SPTAN1: variants seen among roughly 807,000 people sequenced by gnomAD.
SPTAN1 encodes spectrin alpha, non-erythrocytic 1, also known as spectrin alpha chain, non-erythrocytic 1.
In SPTAN1, 61 loss-of-function variants were observed where a neutral mutation model predicts 331.3. The observed-to-expected ratio is 0.18, with a 90% CI of 0.15 to 0.23. The LOEUF (loss-of-function observed/expected upper bound fraction) is 0.23. Ranked by LOEUF, SPTAN1 falls within the 10% of genes least tolerant of loss-of-function variation. The pLI, the probability that SPTAN1 is intolerant of heterozygous loss-of-function variation, is 1.00. For synonymous variants in SPTAN1, 1,153 were observed against 1,173.9 expected (o/e 0.98, Z 0.36); for missense variants, 2,043 against 3,147.9 (o/e 0.65, Z 8.40).
chr9:128,578,297 A>G (rs745828218), intron 9 of SPTAN1, 52 bp downstream of exon 9: 9 of 1,608,522 alleles, frequency 5.6e-6, no homozygotes, highest in South Asian at 4.4e-5. Context: ...CTTATAATGC[A>G]CCAGTTTATC....
intron 39 of SPTAN1, 152 bp downstream of exon 39, chr9:128,612,398 G>C (rs1856669247): frequency 9.8e-7 from 1 of 1,015,240 alleles, no homozygotes; most frequent in Admixed American, 2.1e-5. Flanking sequence ...CATGCTGTAA[G>C]GGATTTATGA....
In SPTAN1 at chr9:128,582,498, C is replaced by A; in HGVS notation, c.1592C>A (p.Thr531Asn). ...EKITALDEFA[T>N]KLIQNNHYAM... ...TCCTAGGCATTAGATGAATTTGCAA[C>A]CAAGCTAATTCAGAACAACCACTAT... Residue 531 changes from threonine (T) to asparagine (N), a missense_variant, in exon 13 of 57, where the codon ACC (threonine) becomes AAC (asparagine). Coordinates refer to ENST00000372739, the MANE Select transcript of SPTAN1 (RefSeq NM_001130438.3). 6.2e-7 allele frequency: 1 copy of A among 1,614,154 alleles called. No individual in the cohort carries two copies. The highest frequency in any genetic ancestry group is 8.5e-7 in the Non-Finnish European group (1 of 1,180,024).
chr9:128,563,751 T>A (rs1849680980), intron 1 of SPTAN1, among the ~76,000 whole-genome samples: 1 of 150,986 alleles, frequency 6.6e-6, no homozygotes, highest in Admixed American at 6.6e-5. Flanking sequence ...GGTCTCATTG[T>A]GTCACCCAGG....
chr9:128,597,671 CAG>C (rs1183812040), intron 24 of SPTAN1, among the ~76,000 whole-genome samples: 2 of 151,654 alleles, frequency 1.3e-5, no homozygotes, highest in East Asian at 1.9e-4. Context: ...TGTTTTGAGA[CAG>C]AGTCTTGCTC....
rs971283782 is a variant in SPTAN1 at position 128,587,842 on chromosome 9, T to G, written c.2871+144T>G. ...GATTTACAGAGTTTAAAATAAGATT[T>G]ATTTATTTATTTATTTATTTAGAGA... On this transcript the variant is annotated intron_variant, in intron 20 of 56. Transcript: ENST00000372739. The G allele has an allele frequency of 1.9e-4, 120 of 620,024 alleles. 1 individual carries two copies. The highest frequency in any genetic ancestry group is 1.7e-3 in the Admixed American group (64 of 38,274). 38.4% of individuals were successfully genotyped at this position (620,024 alleles called of 1,614,324 possible).
intron 1 of SPTAN1, among the ~76,000 whole-genome samples, chr9:128,559,230 C>T (rs1171508748): frequency 1.3e-5 from 2 of 152,158 alleles, no homozygotes; most frequent in Admixed American, 6.5e-5. Context: ...CGTTCTACTT[C>T]ACTGGGGTGA....
rs1564276847 is a variant in SPTAN1 at position 128,606,497 on chromosome 9, T to TGC, written c.4046+1021_4046+1022insCG. Among the ~76,000 whole-genome samples the TGC allele has an allele frequency of 2.4e-4, 32 of 134,152 alleles. 1 individual carries two copies. Among genetic ancestry groups the TGC allele is most frequent in the Non-Finnish European group, 2.4e-4 (15 of 63,664 alleles). The allele number at this position is 134,152 out of a possible 152,430, so 88.0% of individuals were successfully genotyped here. A position where few individuals can be genotyped will look rare whatever the true frequency, so the allele number is the denominator to read the frequency against. The stretch of plus-strand genomic sequence containing the variant: ...CATATATATATATATATTTTTTTTT[T>TGC]GGGGGGGGAAGCGTTTCGCTTTTGT... On this transcript the variant is annotated intron_variant, in intron 31 of 56. Transcript: ENST00000372739.
At chr9:128,613,882 G>A (rs1856829915) in intron 40 of SPTAN1, among the ~76,000 whole-genome samples, 1 of 152,008 alleles carries the variant, frequency 6.6e-6, no homozygotes, top group Non-Finnish European at 1.5e-5. Flanking sequence ...GTGGCTGCCT[G>A]TAATCCCAGG....
chr9:128,591,336 G>A (rs1464769240), intron 21 of SPTAN1, 141 bp from the exon 22 acceptor site: 1 of 1,035,792 alleles, frequency 9.7e-7, no homozygotes, highest in East Asian at 2.5e-5. Context: ...AAAGTGCTGG[G>A]ATTATAGGTG....
intron 48 of SPTAN1, 74 bp from the exon 49 acceptor site, chr9:128,626,317 G>A (rs907691585): frequency 1.1e-5 from 17 of 1,572,652 alleles, no homozygotes; most frequent in African/African-American, 5.4e-5. Context: ...GAACCACCCC[G>A]CACCCCACCT....
rs1459798959 is a variant in SPTAN1, at chr9:128,625,004, T to C, written c.5993-99T>C. 2 of 1,142,950 alleles carry C rather than the reference T, an allele frequency of 1.7e-6. No homozygotes were observed. Among genetic ancestry groups the C allele is most frequent in the Admixed American group, 1.7e-5 (1 of 57,280 alleles). The allele number at this position is 1,142,950 out of a possible 1,614,324, so 70.8% of individuals were successfully genotyped here. A position where few individuals can be genotyped will look rare whatever the true frequency, so the allele number is the denominator to read the frequency against. ...CTGTAGTTAGGAAGATTGGGATTTA[T>C]CTGTACACAAAAAATGGTTTGTCTG... is the stretch of plus-strand genomic sequence containing the variant. On this transcript the variant is annotated intron_variant, in intron 46 of 56. Transcript: ENST00000372739. The surrounding 1 kb of genome is among the most constrained non-coding windows in gnomAD (Gnocchi z 4.1).
chr9:128,597,839 C>T (rs958095736), intron 24 of SPTAN1, among the ~76,000 whole-genome samples: 8 of 151,392 alleles, frequency 5.3e-5, no homozygotes, highest in African/African-American at 1.7e-4. Context: ...TTAGTAGAGA[C>T]GGGGTTTCAC....
chr9:128,594,380 G>A lies in SPTAN1; in HGVS notation c.3414+7G>A. The A allele has an allele frequency of 1.2e-6, 2 of 1,612,120 alleles. No individual in the cohort carries two copies. The highest frequency in any genetic ancestry group is 1.7e-6 in the Non-Finnish European group (2 of 1,178,804). On this transcript the variant is annotated splice_region_variant and intron_variant, in intron 24 of 56. Transcript: ENST00000372739. ...GTTTGATGACTTCCAGAAGGTATGG[G>A]CAGTCTTCAGGCTCAGCTGAAAATT...
intron 26 of SPTAN1, 89 bp downstream of exon 26, chr9:128,599,075 A>AT: frequency 1.5e-6 from 2 of 1,297,278 alleles, no homozygotes; most frequent in Non-Finnish European, 2.2e-6. Context: ...CTTCATCAGA[A>AT]TTGCTGTTCC....
Position 128,576,954 on chromosome 9 carries a change from C to T in SPTAN1, c.783C>T (p.Asn261=), listed in dbSNP as rs1265434463. The T allele has an allele frequency of 1.9e-6, 3 of 1,614,118 alleles. No individual in the cohort carries two copies. Among genetic ancestry groups the T allele is most frequent in the Non-Finnish European group, 2.5e-6 (3 of 1,180,038 alleles). The change falls in exon 6 of 57, where the codon AAC becomes AAT. Residue 261 remains asparagine (N), a splice_region_variant and synonymous_variant. Coordinates refer to ENST00000372739, the MANE Select transcript of SPTAN1 (RefSeq NM_001130438.3). The part of the protein sequence containing the change: ...LFGAAEVQRF[N]RDVDETISWI... Reference sequence around the variant, plus strand: ...GGGCAGCAGAAGTTCAGCGCTTTAACAGGTGTCAAGCCAGAGTGGGCTTTG... The same window carrying T: ...GGGCAGCAGAAGTTCAGCGCTTTAATAGGTGTCAAGCCAGAGTGGGCTTTG...
intron 1 of SPTAN1, among the ~76,000 whole-genome samples, chr9:128,561,459 C>T (rs1478881056): frequency 6.6e-6 from 1 of 150,542 alleles, no homozygotes; most frequent in Non-Finnish European, 1.5e-5. Context: ...GTCAAGAGAT[C>T]GAGACCATCC....
At chr9:128,561,759 G>A (rs182414615) in intron 1 of SPTAN1, among the ~76,000 whole-genome samples, 28 of 150,884 alleles carry the variant, frequency 1.9e-4, no homozygotes, top group African/African-American at 4.4e-4. Flanking sequence ...TCTGGGAACC[G>A]GAGGATCCCA....
chr9:128,625,318 G>A lies in SPTAN1; in HGVS notation c.6069+139G>A, dbSNP rs1288537975. On this transcript the variant is annotated intron_variant, in intron 47 of 56. Coordinates refer to ENST00000372739, the MANE Select transcript of SPTAN1 (RefSeq NM_001130438.3). The surrounding 1 kb of genome is among the most constrained non-coding windows in gnomAD (Gnocchi z 4.1). ...AAAAAGATCCTGTCCTGGTCCTCAGGGAGCTTCCAGACTAACTGGGGAAGC... is the reference window on the plus strand; with the variant it reads ...AAAAAGATCCTGTCCTGGTCCTCAGAGAGCTTCCAGACTAACTGGGGAAGC... 1 of 883,738 alleles carries A rather than the reference G, an allele frequency of 1.1e-6. No homozygotes were observed. The highest frequency in any genetic ancestry group is 2.6e-5 in the East Asian group (1 of 38,052). 54.7% of individuals were successfully genotyped at this position (883,738 alleles called of 1,614,324 possible).
chr9:128,626,289 T>C, intron 48 of SPTAN1, 102 bp from the exon 49 acceptor site: 3 of 1,404,502 alleles, frequency 2.1e-6, no homozygotes, highest in Non-Finnish European at 2.0e-6. Flanking sequence ...GCAGGCTGTG[T>C]GCGCCTCTGA....
Sources: allele counts gnomAD v4.1 joint callset (sites outside exome capture counted in the v4.1 genomes callset), GRCh38; gene constraint gnomAD v4.1.1; non-coding constraint Gnocchi (gnomAD v3.1); transcripts MANE v1.5; gene names NCBI Gene and HGNC (gene_info 2026-07-23, HGNC 2026-07-21).